Variants in KLF8 observed in about 807,000 individuals in gnomAD.
KLF8 encodes the protein Krueppel-like factor 8.
In KLF8, 10 loss-of-function variants were observed where a neutral mutation model predicts 18.2. The observed-to-expected ratio is 0.55, with a 90% CI of 0.34 to 0.93. The LOEUF is 0.93. KLF8 is among the 40% of genes least tolerant of loss of function. The pLI is 0.02. For synonymous variants in KLF8, 109 were observed against 97.3 expected (o/e 1.12, Z -0.71); for missense variants, 264 against 277.9 (o/e 0.95, Z 0.36).
the KLF8 span, among the ~76,000 whole-genome samples, chrX:56,083,341 G>T: frequency 8.9e-6 from 1 of 111,950 alleles, no homozygotes; most frequent in African/African-American, 3.2e-5. Flanking sequence ...TAAAACCAGT[G>T]AAGTAAATGC....
the KLF8 span, among the ~76,000 whole-genome samples, chrX:56,040,301 C>T: frequency 1.1e-4 from 12 of 111,559 alleles, no homozygotes; most frequent in Non-Finnish European, 1.5e-4. Context: ...TTTTCTCGTG[C>T]CAGTTTTCAA....
chrX:56,163,532 C>G, the KLF8 span, among the ~76,000 whole-genome samples: 1 of 112,082 alleles, frequency 8.9e-6, no homozygotes, highest in South Asian at 3.7e-4. Context: ...AATTTTCTCC[C>G]AATCTGTAAT....
At chrX:56,178,029 C>T in the KLF8 span, among the ~76,000 whole-genome samples, 7 of 111,830 alleles carry the variant, frequency 6.3e-5, no homozygotes, top group Non-Finnish European at 1.3e-4. Flanking sequence ...AAAGGGAATT[C>T]CCTGACCCCT....
the KLF8 span, among the ~76,000 whole-genome samples, chrX:56,044,778 C>T: frequency 8.9e-6 from 1 of 112,407 alleles, no homozygotes; most frequent in Non-Finnish European, 1.9e-5. Flanking sequence ...GGATTCCAAG[C>T]CAGTGAGTCT....
the KLF8 span, among the ~76,000 whole-genome samples, chrX:56,085,312 G>T: frequency 1.8e-5 from 2 of 112,104 alleles, no homozygotes; most frequent in East Asian, 5.7e-4. Flanking sequence ...AGGCTGTGAA[G>T]TTTCACAATC....
chrX:56,266,607 A>G (rs1186210590), intron 3 of KLF8: 2 of 747,461 alleles, frequency 2.7e-6, no homozygotes, highest in Non-Finnish European at 3.2e-6. Context: ...AAAGGTATAA[A>G]TTAAGTCTCT....
At chrX:56,075,832 C>T in the KLF8 span, among the ~76,000 whole-genome samples, 3 of 112,024 alleles carry the variant, frequency 2.7e-5, no homozygotes, top group Non-Finnish European at 3.8e-5. Flanking sequence ...CCAGTTGTTG[C>T]AAATGACAAT....
the KLF8 span, among the ~76,000 whole-genome samples, chrX:56,178,147 GGTACCTCA>G: frequency 8.9e-6 from 1 of 111,953 alleles, no homozygotes; most frequent in Non-Finnish European, 1.9e-5. Flanking sequence ...AGGTGAACCT[GGTACCTCA>G]GTTGGAAATG....
At chrX:56,058,280 A>ATATATG in the KLF8 span, among the ~76,000 whole-genome samples, 1 of 6,394 alleles carries the variant, frequency 1.6e-4, no homozygotes, top group Non-Finnish European at 8.1e-4. Flanking sequence ...ATATATATAC[A>ATATATG]TATATATATA....
chrX:56,160,242 T>G, the KLF8 span, among the ~76,000 whole-genome samples: 1 of 112,172 alleles, frequency 8.9e-6, no homozygotes, highest in Non-Finnish European at 1.9e-5. Context: ...GATTGCACTG[T>G]GGTCTGAGAG....
chrX:56,213,233 A>G, the KLF8 span, among the ~76,000 whole-genome samples: 1 of 101,681 alleles, frequency 9.8e-6, no homozygotes, highest in Non-Finnish European at 2.0e-5. Flanking sequence ...TGTGACTTTG[A>G]GTCTCCTGTT....
chrX:56,032,087 G>T, the KLF8 span, among the ~76,000 whole-genome samples: 2 of 111,017 alleles, frequency 1.8e-5, no homozygotes, highest in South Asian at 7.8e-4. Flanking sequence ...CTGGTTTTGG[G>T]TCTGGTTTTG....
At chrX:55,924,576 G>A in the KLF8 span, among the ~76,000 whole-genome samples, 1 of 111,503 alleles carries the variant, frequency 9.0e-6, no homozygotes, top group African/African-American at 3.3e-5. Context: ...CACATGTTAG[G>A]CAGTCAATAT....
the KLF8 span, among the ~76,000 whole-genome samples, chrX:55,989,727 T>C: frequency 4.2e-3 from 469 of 112,297 alleles, 1 homozygote; most frequent in African/African-American, 0.014. Context: ...TCAAATGAGT[T>C]AGGGAGGATT....
chrX:55,944,357 G>A, the KLF8 span, among the ~76,000 whole-genome samples: 11 of 110,521 alleles, frequency 1.0e-4, no homozygotes, highest in South Asian at 4.3e-3. Flanking sequence ...AAATGAGTTA[G>A]GGAGGATTCC....
chrX:56,140,946 C>A, the KLF8 span, among the ~76,000 whole-genome samples: 1 of 111,031 alleles, frequency 9.0e-6, no homozygotes, highest in African/African-American at 3.3e-5. Context: ...AAAAACATCT[C>A]ATTATTGTTT....
At chrX:55,953,247 C>G in the KLF8 span, among the ~76,000 whole-genome samples, 1 of 111,175 alleles carries the variant, frequency 9.0e-6, no homozygotes, top group Non-Finnish European at 1.9e-5. Context: ...GTGGTAAGTG[C>G]TGCAAGGCAA....
At chrX:55,917,893 T>C in the KLF8 span, among the ~76,000 whole-genome samples, 1 of 111,973 alleles carries the variant, frequency 8.9e-6, no homozygotes, top group African/African-American at 3.2e-5. Flanking sequence ...ATAACTTGCT[T>C]TCAGTCACAC....
the KLF8 span, among the ~76,000 whole-genome samples, chrX:56,150,430 A>G: frequency 8.9e-6 from 1 of 112,059 alleles, no homozygotes; most frequent in African/African-American, 3.2e-5. Context: ...TGTCATTTTT[A>G]TGTGAAAGCT....
Sources: allele counts gnomAD v4.1 joint callset (sites outside exome capture counted in the v4.1 genomes callset), GRCh38; gene constraint gnomAD v4.1.1; transcripts MANE v1.5; gene names NCBI Gene and HGNC (gene_info 2026-07-23, HGNC 2026-07-21).